Variants in GREM2 observed in about 807,000 individuals in gnomAD.
GREM2 encodes gremlin 2, DAN family BMP antagonist.
Under a neutral mutation model 14.2 loss-of-function variants are expected in GREM2, and 11 were observed. The observed-to-expected ratio is 0.78, with a 90% confidence interval of 0.49 to 1.28. GREM2 has a LOEUF of 1.28. Ranked by LOEUF, GREM2 falls within the 50% of genes most tolerant of loss-of-function variation. GREM2 has a pLI of 0.00. For synonymous variants in GREM2, 98 were observed against 97.6 expected (o/e 1.00, Z -0.02); for missense variants, 210 against 218.5 (o/e 0.96, Z 0.24).
chr1:240,596,840 G>A (rs1275976211), intron 1 of GREM2, among the ~76,000 whole-genome samples: 3 of 152,122 alleles, frequency 2.0e-5, no homozygotes, highest in South Asian at 2.1e-4. Context: ...CCAAACTTAC[G>A]CTCTGATAGA....
chr1:240,530,345 A>G (rs1213387221), intron 1 of GREM2: 3 of 152,196 alleles, frequency 2.0e-5, no homozygotes, highest in African/African-American at 4.8e-5. Context: ...CAAGGGACAT[A>G]TTTTGGAACC....
At chr1:240,515,606 C>T (rs1677936035) in intron 1 of GREM2, among the ~76,000 whole-genome samples, 2 of 152,082 alleles carry the variant, frequency 1.3e-5, no homozygotes. Context: ...ATGAGTAAAA[C>T]AACACAAATA....
intron 1 of GREM2, among the ~76,000 whole-genome samples, chr1:240,515,266 C>CG (rs2103296200): frequency 6.6e-6 from 1 of 152,332 alleles, no homozygotes; most frequent in South Asian, 2.1e-4. Context: ...CCTGTAAATC[C>CG]TCAATACATA....
At chr1:240,546,171 C>T (rs1377854863) in intron 1 of GREM2, among the ~76,000 whole-genome samples, 1 of 151,982 alleles carries the variant, frequency 6.6e-6, no homozygotes, top group South Asian at 2.1e-4. Context: ...CCCATCTCTA[C>T]TAAAAGACAC....
chr1:240,544,432 C>T (rs995628235), intron 1 of GREM2, among the ~76,000 whole-genome samples: 1 of 152,156 alleles, frequency 6.6e-6, no homozygotes. Flanking sequence ...CAGGCGTGAG[C>T]CACCGCGCCT....
intron 1 of GREM2, among the ~76,000 whole-genome samples, chr1:240,574,883 C>T (rs553796996): frequency 2.6e-5 from 4 of 152,132 alleles, no homozygotes; most frequent in East Asian, 1.9e-4. Context: ...CCGAGGCAGG[C>T]GGATCACGAG....
intron 1 of GREM2, among the ~76,000 whole-genome samples, chr1:240,569,622 T>C (rs1326708104): frequency 2.0e-5 from 3 of 152,176 alleles, no homozygotes; most frequent in South Asian, 2.1e-4. Context: ...ACAAATAGTA[T>C]TGGAACAGCT....
At chr1:240,513,314 C>G (rs927585780) in intron 1 of GREM2, among the ~76,000 whole-genome samples, 1 of 152,150 alleles carries the variant, frequency 6.6e-6, no homozygotes, top group Non-Finnish European at 1.5e-5. Context: ...CAGTGGCTCA[C>G]GCCTGTAATC....
chr1:240,509,149 TTGTGACA>T (rs1399979910), intron 1 of GREM2, among the ~76,000 whole-genome samples: 1 of 152,174 alleles, frequency 6.6e-6, no homozygotes, highest in Non-Finnish European at 1.5e-5. Context: ...TTGAAAGTAA[TTGTGACA>T]TGTGTTTCCA....
intron 1 of GREM2, among the ~76,000 whole-genome samples, chr1:240,510,335 A>G (rs966477631): frequency 4.8e-5 from 6 of 124,526 alleles, no homozygotes; most frequent in Admixed American, 1.1e-4. Flanking sequence ...GCGCCACTGC[A>G]CTCCAGCCTG....
chr1:240,545,043 T>A (rs1021454746), intron 1 of GREM2, among the ~76,000 whole-genome samples: 1 of 152,216 alleles, frequency 6.6e-6, no homozygotes, highest in Non-Finnish European at 1.5e-5. Flanking sequence ...CTCAAAATGA[T>A]AAGGATCTTT....
At chr1:240,591,823 C>A (rs997347106) in intron 1 of GREM2, among the ~76,000 whole-genome samples, 1 of 152,084 alleles carries the variant, frequency 6.6e-6, no homozygotes, top group South Asian at 2.1e-4. Flanking sequence ...CAGTACCTTC[C>A]CTGGCAATCT....
chr1:240,516,494 T>G lies in GREM2; in HGVS notation c.-1-23018A>C, dbSNP rs150137948. Among the ~76,000 whole-genome samples the G allele has an allele frequency of 7.9e-3, 1,200 of 152,304 alleles. 16 individuals carry two copies. Among genetic ancestry groups the G allele is most frequent in the African/African-American group, 0.027 (1,133 of 41,554 alleles). ...TTGGGGATTTCATTAGACTTTTCAT[T>G]TTGAATGATATTATTAGAAGAGCAT... On this transcript the variant is annotated intron_variant, in intron 1 of 1. Transcript: ENST00000318160.
intron 1 of GREM2, among the ~76,000 whole-genome samples, chr1:240,607,665 G>A (rs1440268246): frequency 2.0e-5 from 3 of 152,228 alleles, no homozygotes; most frequent in Non-Finnish European, 4.4e-5. Flanking sequence ...TTGCTCTCAA[G>A]TAGTGGGCCT....
rs566400162 is a variant in GREM2, at chr1:240,490,295, C to T, written c.*2674G>A. 5 of 152,522 alleles carry T rather than the reference C, an allele frequency of 3.3e-5. No homozygotes were observed. The South Asian group carries it at 1.0e-3, about 32-fold the overall frequency. The allele number at this position is 152,522 out of a possible 1,614,324, so 9.4% of individuals were successfully genotyped here. A position where few individuals can be genotyped will look rare whatever the true frequency, so the allele number is the denominator to read the frequency against. On this transcript the variant is annotated 3_prime_UTR_variant, in exon 2 of 2. Coordinates refer to ENST00000318160, the MANE Select transcript of GREM2 (RefSeq NM_022469.4). ...TTCCAAAGACCAGGATTGAGGGCCA[C>T]CTCCATCACTTCTGCTCCTTGGATG...
At chr1:240,551,925 G>A (rs2103338974) in intron 1 of GREM2, among the ~76,000 whole-genome samples, 1 of 152,168 alleles carries the variant, frequency 6.6e-6, no homozygotes, top group South Asian at 2.1e-4. Flanking sequence ...TTATAGAAAG[G>A]GAGTGTAAAT....
intron 1 of GREM2, among the ~76,000 whole-genome samples, chr1:240,594,619 A>G (rs1679786572): frequency 1.3e-5 from 2 of 152,150 alleles, no homozygotes; most frequent in Non-Finnish European, 2.9e-5. Flanking sequence ...GTTCTTTGGC[A>G]TAGATCTTCT....
chr1:240,580,605 C>A (rs1473257637), intron 1 of GREM2, among the ~76,000 whole-genome samples: 1 of 152,152 alleles, frequency 6.6e-6, no homozygotes, highest in Non-Finnish European at 1.5e-5. Context: ...GACAGCGTCT[C>A]ACTTTGTCAC....
At chr1:240,505,412 A>AG (rs1677655641) in intron 1 of GREM2, among the ~76,000 whole-genome samples, 1 of 152,150 alleles carries the variant, frequency 6.6e-6, no homozygotes, top group African/African-American at 2.4e-5. Context: ...TCTTCTTTCT[A>AG]GGAAAAAGTA....
Sources: gnomAD v4.1 joint callset for allele counts (sites outside exome capture counted in the v4.1 genomes callset) on GRCh38, gnomAD v4.1.1 for gene constraint, MANE v1.5 for transcripts, NCBI Gene and HGNC (gene_info 2026-07-23, HGNC 2026-07-21) for gene names.